Variants in FAM193A observed in about 807,000 individuals in gnomAD.
The protein encoded by FAM193A is protein FAM193A.
In FAM193A, 22 loss-of-function variants were observed where a neutral mutation model predicts 126.5. The ratio of observed to expected loss-of-function variants is 0.17; its 90% CI spans 0.12 to 0.25. The LOEUF (loss-of-function observed/expected upper bound fraction) is 0.25. FAM193A is among the 10% of genes least tolerant of loss of function. The probability of loss-of-function intolerance (pLI) is 1.00; values close to 1 mark genes in which losing one functional copy is unlikely to be tolerated. For synonymous variants in FAM193A, 761 were observed against 646.8 expected (o/e 1.18, Z -2.68); for missense variants, 1,675 against 1,672.8 (o/e 1.00, Z -0.02).
At chr4:2,708,466 T>C (rs1718557368) in intron 19 of FAM193A, among the ~76,000 whole-genome samples, 1 of 151,912 alleles carries the variant, frequency 6.6e-6, no homozygotes, top group Non-Finnish European at 1.5e-5. Flanking sequence ...TTTTTTAATT[T>C]TTATCTATTT....
At chr4:2,589,074 G>A (rs1740384088) in intron 1 of FAM193A, among the ~76,000 whole-genome samples, 2 of 152,198 alleles carry the variant, frequency 1.3e-5, no homozygotes, top group East Asian at 1.9e-4. Flanking sequence ...ATCCAGACAT[G>A]TTCTGAGGCT....
intron 19 of FAM193A, among the ~76,000 whole-genome samples, chr4:2,701,745 C>CGGAA (rs1271586525): frequency 6.6e-6 from 1 of 151,246 alleles, no homozygotes; most frequent in East Asian, 1.9e-4. Flanking sequence ...TGATTCTTGC[C>CGGAA]GGAAATGTTT....
intron 1 of FAM193A, among the ~76,000 whole-genome samples, chr4:2,548,216 C>A (rs1024994202): frequency 6.7e-6 from 1 of 148,592 alleles, no homozygotes; most frequent in African/African-American, 2.5e-5. Flanking sequence ...GGATTACAGG[C>A]GCCTTCCACC....
chr4:2,641,461 C>G (rs545712487), intron 6 of FAM193A, among the ~76,000 whole-genome samples: 1 of 151,942 alleles, frequency 6.6e-6, no homozygotes, highest in East Asian at 2.0e-4. Context: ...CAAGACCATC[C>G]TGGCTAACAC....
chr4:2,647,918 C>G (rs1442435823), intron 7 of FAM193A, among the ~76,000 whole-genome samples: 1 of 152,140 alleles, frequency 6.6e-6, no homozygotes, highest in Non-Finnish European at 1.5e-5. Flanking sequence ...TGGATGCCAC[C>G]TGTGGCTCCT....
intron 2 of FAM193A, among the ~76,000 whole-genome samples, chr4:2,621,254 A>G (rs893683541): frequency 8.5e-5 from 13 of 152,188 alleles, no homozygotes; most frequent in Admixed American, 7.2e-4. Context: ...CAGAGGAGAA[A>G]TGTTTACAGG....
intron 10 of FAM193A, among the ~76,000 whole-genome samples, chr4:2,660,646 GT>G (rs879408370): frequency 2.0e-5 from 3 of 152,210 alleles, no homozygotes; most frequent in Admixed American, 2.0e-4. Context: ...CTTAGGTTTA[GT>G]TTACGTGTAT....
intron 1 of FAM193A, among the ~76,000 whole-genome samples, chr4:2,584,017 C>T (rs184846693): frequency 2.0e-5 from 3 of 152,212 alleles, no homozygotes; most frequent in African/African-American, 7.2e-5. Context: ...TTTGGGGTCT[C>T]AAGAGATCTT....
chr4:2,578,316 T>C (rs1739724185), intron 1 of FAM193A, among the ~76,000 whole-genome samples: 1 of 152,188 alleles, frequency 6.6e-6, no homozygotes. Context: ...TGCTTTATTT[T>C]GCTTGTGTTT....
chr4:2,731,879 C>T lies in FAM193A; in HGVS notation c.*11C>T. The T allele has an allele frequency of 1.2e-6, 2 of 1,601,470 alleles. No individual in the cohort carries two copies. Among genetic ancestry groups the T allele is most frequent in the Non-Finnish European group, 1.7e-6 (2 of 1,168,668 alleles). On this transcript the variant is annotated 3_prime_UTR_variant, in exon 21 of 21. Coordinates refer to ENST00000637812, the MANE Select transcript of FAM193A (RefSeq NM_001366318.2). ...TTTGCTGCCCACTGAATGAGGACTC[C>T]CTGGAGAGGGACACGCGAGAGGCAG...
intron 1 of FAM193A, among the ~76,000 whole-genome samples, chr4:2,556,125 A>C (rs933794400): frequency 6.7e-6 from 1 of 148,592 alleles, no homozygotes; most frequent in African/African-American, 2.5e-5. Flanking sequence ...TGAACGCCTG[A>C]TCTCAGGTGA....
At chr4:2,567,221 T>A (rs1739021529) in intron 1 of FAM193A, among the ~76,000 whole-genome samples, 1 of 151,956 alleles carries the variant, frequency 6.6e-6, no homozygotes. Context: ...GTGCTGGGAT[T>A]ACAGGCGTGA....
At position 2,564,844 on chromosome 4, in the gene FAM193A, C is replaced by T. The variant is rs188908667; in HGVS notation, c.255+27674C>T. Among the ~76,000 whole-genome samples, 11 of 152,138 alleles carry T rather than the reference C, an allele frequency of 7.2e-5. No individual in the cohort carries two copies. In the East Asian group the frequency reaches 2.1e-3, roughly 29 times the overall value. ...TTTTGAGATAGGGACTCACTCTTGTCGCCCAGGTTGGAGGGCAGTGGCACC... is the reference window on the plus strand; with the variant it reads ...TTTTGAGATAGGGACTCACTCTTGTTGCCCAGGTTGGAGGGCAGTGGCACC... On this transcript the variant is annotated intron_variant, in intron 1 of 20. Coordinates refer to ENST00000637812, the MANE Select transcript of FAM193A (RefSeq NM_001366318.2).
chr4:2,630,676 T>C (rs1743472498), intron 4 of FAM193A, among the ~76,000 whole-genome samples: 1 of 152,206 alleles, frequency 6.6e-6, no homozygotes, highest in Admixed American at 6.5e-5. Flanking sequence ...CGAACTGAAT[T>C]AGTGCACGTG....
chr4:2,606,676 A>G (rs1283137052), intron 2 of FAM193A, among the ~76,000 whole-genome samples: 1 of 152,198 alleles, frequency 6.6e-6, no homozygotes, highest in Non-Finnish European at 1.5e-5. Context: ...GGTTATTTGT[A>G]AAGTATTGGT....
At chr4:2,647,335 A>G (rs2285081) in intron 7 of FAM193A, among the ~76,000 whole-genome samples, 118,987 of 151,836 alleles carry the variant, frequency 0.78, 46,711 homozygotes, top group Admixed American at 0.86. Flanking sequence ...TAGTAGAGAC[A>G]GGGTTTCTCC....
intron 19 of FAM193A, among the ~76,000 whole-genome samples, chr4:2,713,506 C>A (rs1442603839): frequency 1.3e-5 from 2 of 152,150 alleles, no homozygotes; most frequent in Non-Finnish European, 2.9e-5. Flanking sequence ...GGCCTGGGTT[C>A]CCTGTGTACC....
intron 1 of FAM193A, among the ~76,000 whole-genome samples, chr4:2,542,304 C>T (rs973238897): frequency 2.0e-5 from 3 of 152,026 alleles, no homozygotes; most frequent in Non-Finnish European, 2.9e-5. Flanking sequence ...CACGCCCGGC[C>T]ATTTTTTGTA....
intron 18 of FAM193A, among the ~76,000 whole-genome samples, chr4:2,699,117 T>C (rs231694): frequency 0.76 from 115,354 of 152,088 alleles, 43,888 homozygotes; most frequent in Admixed American, 0.82. Flanking sequence ...AGGCTGCTCT[T>C]GAACTCCTAG....
Sources: gnomAD v4.1 joint callset for allele counts (sites outside exome capture counted in the v4.1 genomes callset) on GRCh38, gnomAD v4.1.1 for gene constraint, MANE v1.5 for transcripts, NCBI Gene and HGNC (gene_info 2026-07-23, HGNC 2026-07-21) for gene names.